Variants in MCHR2 observed in about 807,000 individuals in gnomAD.
MCHR2 encodes the protein melanin-concentrating hormone receptor 2.
MCHR2 carries 15 observed loss-of-function variants against 24.8 expected under a neutral mutation model. The observed-to-expected ratio is 0.60, with a 90% CI of 0.40 to 0.93. The LOEUF (loss-of-function observed/expected upper bound fraction) is 0.93. Among genes scored for constraint, MCHR2 ranks in the 40% least tolerant of loss-of-function variants. The pLI is 0.00. For synonymous variants in MCHR2, 151 were observed against 147.6 expected, an observed-to-expected ratio of 1.02 and a Z score of -0.17; for missense variants, 386 against 408.7, an observed-to-expected ratio of 0.94 and a Z score of 0.48.
In MCHR2 at chr6:99,957,532, A is replaced by G. The variant is rs554979355; in HGVS notation, c.-27-1358T>C. On this transcript the variant is annotated intron_variant, in intron 1 of 5. Coordinates refer to ENST00000281806, the MANE Select transcript of MCHR2 (RefSeq NM_001040179.2). ...TTCAAAACATGAAAGAATGTCCACT[A>G]TCACCACTTTTCTTCAATATTGGAC... Among the ~76,000 whole-genome samples the G allele has an allele frequency of 1.1e-4, 16 of 152,236 alleles. 1 individual carries two copies. In the East Asian group the frequency reaches 3.1e-3, roughly 29 times the overall value.
intron 1 of MCHR2, among the ~76,000 whole-genome samples, chr6:99,980,668 G>T (rs995832713): frequency 7.2e-5 from 11 of 152,072 alleles, no homozygotes; most frequent in African/African-American, 2.7e-4. Flanking sequence ...CCAACGACTA[G>T]ATACTACCAT....
At chr6:99,929,742 G>A in intron 5 of MCHR2, among the ~76,000 whole-genome samples, 1 of 151,970 alleles carries the variant, frequency 6.6e-6, no homozygotes, top group Non-Finnish European at 1.5e-5. Context: ...CTCTGCACGT[G>A]AGATGGGTGT....
chr6:99,986,347 G>C lies in MCHR2; in HGVS notation c.-28+7589C>G, dbSNP rs184215366. Among the ~76,000 whole-genome samples the C allele has an allele frequency of 4.1e-4, 63 of 152,158 alleles. 1 individual carries two copies. The highest frequency in any genetic ancestry group is 2.1e-4 in the Non-Finnish European group (14 of 67,970). Reference sequence around the variant, plus strand: ...TATCTACCCCTAAAAAAGAAATCATGTATCAAAAAGACTCCTACACTTGTA... The same window carrying C: ...TATCTACCCCTAAAAAAGAAATCATCTATCAAAAAGACTCCTACACTTGTA... On this transcript the variant is annotated intron_variant, in intron 1 of 5. Transcript: ENST00000281806.
intron 1 of MCHR2, among the ~76,000 whole-genome samples, chr6:99,987,087 G>A (rs922117390): frequency 4.7e-5 from 6 of 126,616 alleles, no homozygotes; most frequent in South Asian, 2.3e-4. Flanking sequence ...GTTGTGTTGT[G>A]TTGTATTTAT....
chr6:99,977,195 A>T (rs996441160), intron 1 of MCHR2, among the ~76,000 whole-genome samples: 1 of 152,214 alleles, frequency 6.6e-6, no homozygotes, highest in African/African-American at 2.4e-5. Flanking sequence ...AATATCTAAC[A>T]TTTTAATTAG....
intron 5 of MCHR2, among the ~76,000 whole-genome samples, chr6:99,930,856 C>T (rs1470339948): frequency 6.6e-6 from 1 of 152,224 alleles, no homozygotes. Context: ...AGTCATTCTC[C>T]ATCCAGCTTT....
Position 99,956,171 on chromosome 6 carries a change from A to C in MCHR2, c.-24T>G, listed in dbSNP as rs754117624. On this transcript the variant is annotated 5_prime_UTR_variant, in exon 2 of 6. Transcript: ENST00000281806. ...ATTGTTCGTGGACTTTCCAGGGATT[A>C]AAGCTGTGAAGTAATAGGAAGTGAT... 1.3e-6 allele frequency: 2 copies of C among 1,587,658 alleles called. No individual in the cohort carries two copies. Among genetic ancestry groups the C allele is most frequent in the East Asian group, 2.3e-5 (1 of 44,256 alleles).
intron 1 of MCHR2, among the ~76,000 whole-genome samples, chr6:99,980,219 A>G (rs1341634880): frequency 6.6e-6 from 1 of 152,230 alleles, no homozygotes; most frequent in African/African-American, 2.4e-5. Context: ...AGGTACACAT[A>G]TAAATTTTCC....
rs965835254 is a variant in MCHR2 at position 99,920,734 on chromosome 6, C to A, written c.*206G>T. The A allele has an allele frequency of 1.8e-6, 1 of 566,748 alleles. No individual in the cohort carries two copies. Among genetic ancestry groups the A allele is most frequent in the African/African-American group, 1.9e-5 (1 of 53,250 alleles). The allele number at this position is 566,748 out of a possible 1,614,324, so 35.1% of individuals were successfully genotyped here. A position where few individuals can be genotyped will look rare whatever the true frequency, so the allele number is the denominator to read the frequency against. The stretch of plus-strand genomic sequence containing the variant: ...TATCTCAGACTATCCCATTCCCTAC[C>A]CACAATATAGATCAACATTTTACAT... On this transcript the variant is annotated 3_prime_UTR_variant, in exon 6 of 6. Transcript: ENST00000281806.
chr6:99,932,706 A>G (rs936933839), intron 5 of MCHR2, among the ~76,000 whole-genome samples: 1 of 152,210 alleles, frequency 6.6e-6, no homozygotes, highest in Non-Finnish European at 1.5e-5. Flanking sequence ...ATACCTGGCC[A>G]GTGCTCAAGA....
At chr6:99,978,380 A>G (rs574838287) in intron 1 of MCHR2, among the ~76,000 whole-genome samples, 21 of 148,826 alleles carry the variant, frequency 1.4e-4, no homozygotes, top group Admixed American at 1.4e-3. Context: ...ACACTTGCCC[A>G]TCTTACAGAG....
In MCHR2 at chr6:99,985,056, G is replaced by A. The variant is rs143654333; in HGVS notation, c.-28+8880C>T. Among the ~76,000 whole-genome samples, 8 of 152,032 alleles carry A rather than the reference G, an allele frequency of 5.3e-5. No individual in the cohort carries two copies. In the East Asian group the frequency reaches 1.5e-3, roughly 29 times the overall value. On this transcript the variant is annotated intron_variant, in intron 1 of 5. Coordinates refer to ENST00000281806, the MANE Select transcript of MCHR2 (RefSeq NM_001040179.2). The stretch of plus-strand genomic sequence containing the variant: ...ATGATCAAGCTGGGAACCAAATCAA[G>A]AACTCAATCCCATTTACAATAGCTA...
chr6:99,992,732 A>G (rs1412875628), intron 1 of MCHR2, among the ~76,000 whole-genome samples: 1 of 152,232 alleles, frequency 6.6e-6, no homozygotes, highest in Non-Finnish European at 1.5e-5. Flanking sequence ...GTGTTAGGCT[A>G]AGAGTCGAAT....
chr6:99,963,201 A>G (rs997135516), intron 1 of MCHR2, among the ~76,000 whole-genome samples: 4 of 152,138 alleles, frequency 2.6e-5, no homozygotes, highest in African/African-American at 9.6e-5. Context: ...GGAATGTAAA[A>G]TAGTGTAGCC....
chr6:99,991,458 T>C (rs1307772436), intron 1 of MCHR2, among the ~76,000 whole-genome samples: 1 of 152,162 alleles, frequency 6.6e-6, no homozygotes, highest in Non-Finnish European at 1.5e-5. Flanking sequence ...AGTTTCCCCA[T>C]AGGTGAGGTG....
chr6:99,955,576 C>T (rs1003813676), intron 2 of MCHR2, among the ~76,000 whole-genome samples: 1 of 152,116 alleles, frequency 6.6e-6, no homozygotes, highest in Non-Finnish European at 1.5e-5. Context: ...TGAAATGTTG[C>T]ATTGCAGTTT....
chr6:99,946,982 G>C lies in MCHR2; in HGVS notation c.392+780C>G, dbSNP rs1273107462. Among the ~76,000 whole-genome samples, 9 of 152,068 alleles carry C rather than the reference G, an allele frequency of 5.9e-5. No individual in the cohort carries two copies. In the East Asian group the frequency reaches 1.7e-3, roughly 29 times the overall value. ...CTTCCTAGACAGGCCAGATAGTGAG[G>C]CAGTTACAACTATCTGCCATCTCTA... On this transcript the variant is annotated intron_variant, in intron 3 of 5. Transcript: ENST00000281806.
chr6:99,972,322 C>T (rs2114570860), intron 1 of MCHR2, among the ~76,000 whole-genome samples: 1 of 152,334 alleles, frequency 6.6e-6, no homozygotes, highest in South Asian at 2.1e-4. Flanking sequence ...TTATCCATTT[C>T]TTCTAGATTT....
chr6:99,989,940 T>C (rs1242335625), intron 1 of MCHR2, among the ~76,000 whole-genome samples: 1 of 152,202 alleles, frequency 6.6e-6, no homozygotes, highest in Non-Finnish European at 1.5e-5. Flanking sequence ...CGAAGAATTT[T>C]AGTTGGAGAA....
Sources: allele counts gnomAD v4.1 joint callset (sites outside exome capture counted in the v4.1 genomes callset), GRCh38; gene constraint gnomAD v4.1.1; transcripts MANE v1.5; gene names NCBI Gene and HGNC (gene_info 2026-07-23, HGNC 2026-07-21).